The following CFAP161 variants were observed in gnomAD, a reference collection of about 807,000 sequenced individuals.
CFAP161 encodes the protein cilia- and flagella-associated protein 161.
In CFAP161, 25 loss-of-function variants were observed where a neutral mutation model predicts 29.0. That is an observed-to-expected ratio of 0.86 (90% confidence interval 0.63 to 1.20). CFAP161 has a LOEUF of 1.20. Ranked by LOEUF, CFAP161 falls within the 50% of genes most tolerant of loss-of-function variation. CFAP161 has a pLI of 0.00. For missense variants in CFAP161, 367 were observed against 371.9 expected, an observed-to-expected ratio of 0.99 and a Z score of 0.11; for synonymous variants, 116 against 137.4, an observed-to-expected ratio of 0.84 and a Z score of 1.09.
upstream of CFAP161, among the ~76,000 whole-genome samples, chr15:81,130,054 A>T (rs1166551452): frequency 6.6e-6 from 1 of 152,114 alleles, no homozygotes; most frequent in Non-Finnish European, 1.5e-5. Context: ...TTACATCAGA[A>T]CTTACTGCTT....
rs899447041 is a variant in CFAP161, at chr15:81,136,680, G to T, written c.324G>T (p.Glu108Asp). 48 of 1,614,146 alleles carry T rather than the reference G, an allele frequency of 3.0e-5. No individual in the cohort carries two copies. Among genetic ancestry groups the T allele is most frequent in the Non-Finnish European group, 3.8e-5 (45 of 1,180,036 alleles). ...EIQSHLKDEL[E>D]VPCGLSAVQA... ...AGTCCCATCTGAAAGACGAATTAGA[G>T]GTACCCTGTGGCCTGAGCGCAGTTC... The change falls in exon 3 of 7, where the codon GAG becomes GAT. Residue 108 changes from glutamate to aspartate, a missense_variant. Glu to Asp is a conservative substitution (Grantham distance 45). Transcript: ENST00000286732.
chr15:81,118,191 T>C lies in CFAP161; in HGVS notation c.-141-9399T>C, dbSNP rs187795823. The C allele has an allele frequency of 4.8e-4, 226 of 472,352 alleles. 1 individual carries two copies. The highest frequency in any genetic ancestry group is 4.4e-3 in the African/African-American group (213 of 48,786). 29.3% of individuals were successfully genotyped at this position (472,352 alleles called of 1,614,324 possible). A position where few individuals can be genotyped will look rare whatever the true frequency, so the allele number is the denominator to read the frequency against. On this transcript the variant is annotated intron_variant, in intron 1 of 4. Transcript: ENST00000560091. ...AGATTCTATTTTCACTGAGTACAAA[T>C]TTTTTCAATTTAGGCAGCTTGGGGA...
intron 1 of CFAP161, among the ~76,000 whole-genome samples, chr15:81,117,299 A>G (rs528237518): frequency 6.6e-6 from 1 of 152,262 alleles, no homozygotes; most frequent in South Asian, 2.1e-4. Flanking sequence ...CAGAAAGTAA[A>G]AATGCTGTCG....
chr15:81,148,093 A>T (rs1895040670), intron 6 of CFAP161, among the ~76,000 whole-genome samples, 162 bp downstream of exon 6: 1 of 152,188 alleles, frequency 6.6e-6, no homozygotes, highest in South Asian at 2.1e-4. Flanking sequence ...AAATCCTATT[A>T]GAGCCCCTTC....
chr15:81,141,141 T>C (rs778204414), intron 4 of CFAP161, among the ~76,000 whole-genome samples: 2 of 152,252 alleles, frequency 1.3e-5, no homozygotes, highest in South Asian at 4.1e-4. Flanking sequence ...AATTCACATA[T>C]TTAGTAACTT....
At chr15:81,123,100 T>G (rs967371690) in intron 1 of CFAP161, among the ~76,000 whole-genome samples, 1 of 152,238 alleles carries the variant, frequency 6.6e-6, no homozygotes. Context: ...ATCTTCATCA[T>G]GAAATCTTTG....
chr15:81,143,915 T>G, intron 5 of CFAP161, 95 bp downstream of exon 5: 1 of 1,340,404 alleles, frequency 7.5e-7, no homozygotes, highest in Non-Finnish European at 1.0e-6. Context: ...CTCAAATGCC[T>G]TATGACTTTC....
At chr15:81,138,980 A>G (rs952886930) in intron 4 of CFAP161, among the ~76,000 whole-genome samples, 1 of 152,148 alleles carries the variant, frequency 6.6e-6, no homozygotes, top group Non-Finnish European at 1.5e-5. Flanking sequence ...CGTTATTATT[A>G]TTATTATTTT....
chr15:81,122,686 T>G (rs776235229), intron 1 of CFAP161, among the ~76,000 whole-genome samples: 3 of 151,970 alleles, frequency 2.0e-5, no homozygotes, highest in Non-Finnish European at 4.4e-5. Flanking sequence ...GAGACAGGGT[T>G]TCACTATGTT....
intron 4 of CFAP161, among the ~76,000 whole-genome samples, chr15:81,138,629 T>G (rs1031461141): frequency 2.6e-5 from 4 of 152,138 alleles, no homozygotes; most frequent in African/African-American, 9.7e-5. Context: ...TAGAACCAGA[T>G]AGATTTGGGT....
chr15:81,137,404 G>T (rs1894829542), intron 3 of CFAP161, among the ~76,000 whole-genome samples: 1 of 152,082 alleles, frequency 6.6e-6, no homozygotes, highest in Non-Finnish European at 1.5e-5. Context: ...AGACCAGCCT[G>T]GCCAACATGT....
chr15:81,136,581 T>C lies in CFAP161; in HGVS notation c.225T>C (p.Pro75=), dbSNP rs1403460379. The change falls in exon 3 of 7, where the codon CCT becomes CCC. Residue 75 remains proline, a synonymous_variant. Coordinates refer to ENST00000286732, the MANE Select transcript of CFAP161 (RefSeq NM_173528.4). ...GTGACAAAGTGATGCTTGTGAATCC[T>C]GATGATCCTGACACAGAAGCTGATG... is the stretch of plus-strand genomic sequence containing the variant. ...HYGDKVMLVN[P]DDPDTEADVF... 1.9e-6 allele frequency: 3 copies of C among 1,614,132 alleles called. No individual in the cohort carries two copies. Among genetic ancestry groups the C allele is most frequent in the African/African-American group, 1.3e-5 (1 of 74,940 alleles).
At chr15:81,108,692 T>C (rs910327036) in intron 1 of CFAP161, among the ~76,000 whole-genome samples, 2 of 152,198 alleles carry the variant, frequency 1.3e-5, no homozygotes, top group African/African-American at 4.8e-5. Context: ...TTTTTAAATC[T>C]GTGAGGCAAC....
chr15:81,103,977 G>A (rs1894332745), intron 1 of CFAP161, among the ~76,000 whole-genome samples: 1 of 114,584 alleles, frequency 8.7e-6, no homozygotes, highest in South Asian at 2.7e-4. Flanking sequence ...TATTGTGGTG[G>A]TATGAGAGGT....
chr15:81,113,675 G>A lies in CFAP161; in HGVS notation c.-141-13915G>A, dbSNP rs540408252. ...CATAGGGTAAGGAGTGAGGAAAGGG[G>A]TGCAGAGCTTCCATGACTTTTCTGG... On this transcript the variant is annotated intron_variant, in intron 1 of 4. Transcript: ENST00000560091. Among the ~76,000 whole-genome samples the A allele has an allele frequency of 4.6e-5, 7 of 152,320 alleles. No homozygotes were observed. In the South Asian group the frequency reaches 1.5e-3, roughly 32 times the overall value.
At chr15:81,118,207 A>G in intron 1 of CFAP161, 1 of 481,412 alleles carries the variant, frequency 2.1e-6, no homozygotes, top group Non-Finnish European at 3.9e-6. Flanking sequence ...CAATTTAGGC[A>G]GCTTGGGGAG....
chr15:81,115,646 G>C (rs905160151), intron 1 of CFAP161, among the ~76,000 whole-genome samples: 1 of 152,084 alleles, frequency 6.6e-6, no homozygotes, highest in African/African-American at 2.4e-5. Flanking sequence ...CAAAATTCTA[G>C]TTTGCATAAT....
chr15:81,103,487 CA>C (rs891748520), intron 1 of CFAP161, among the ~76,000 whole-genome samples: 1 of 151,208 alleles, frequency 6.6e-6, no homozygotes, highest in Non-Finnish European at 1.5e-5. Flanking sequence ...AAGAGGAAAA[CA>C]AAAAAAACCC....
At chr15:81,113,506 A>T (rs962583515) in intron 1 of CFAP161, among the ~76,000 whole-genome samples, 1 of 152,186 alleles carries the variant, frequency 6.6e-6, no homozygotes, top group African/African-American at 2.4e-5. Flanking sequence ...TGGCTGTAAA[A>T]TCAGGAGTTC....
Sources: allele counts gnomAD v4.1 joint callset (sites outside exome capture counted in the v4.1 genomes callset), GRCh38; gene constraint gnomAD v4.1.1; transcripts MANE v1.5; gene names NCBI Gene and HGNC (gene_info 2026-07-23, HGNC 2026-07-21).